The following ZNF831 variants were observed in gnomAD, a reference collection of about 807,000 sequenced individuals.
The protein encoded by ZNF831 is zinc finger protein 831, also known as chromosome 20 open reading frame 174.
Under a neutral mutation model 95.8 loss-of-function variants are expected in ZNF831, and 59 were observed. That is an observed-to-expected ratio of 0.62 (90% CI 0.50 to 0.77). The LOEUF (loss-of-function observed/expected upper bound fraction) is 0.77. Ranked by LOEUF, ZNF831 falls within the 30% of genes least tolerant of loss-of-function variation. The pLI, the probability that ZNF831 is intolerant of heterozygous loss-of-function variation, is 0.00. For synonymous variants in ZNF831, 961 were observed against 925.5 expected, an observed-to-expected ratio of 1.04 and a Z score of -0.70; for missense variants, 2,205 against 2,164.0, an observed-to-expected ratio of 1.02 and a Z score of -0.38.
rs368836872 is a variant in ZNF831 at position 59,208,417 on chromosome 20, C to T, written c.4027+1361C>T. On this transcript the variant is annotated intron_variant, in intron 4 of 5. Transcript: ENST00000371030. This position sits in a 1 kb window ranked among gnomAD's most constrained non-coding sequence, Gnocchi z 4.2. ...GCAACTCTCTGCTTTCTCGTTGGGC[C>T]GTCCTGTGACAGGCACAGGTGCCAT... Among the ~76,000 whole-genome samples, 41 of 152,308 alleles carry T rather than the reference C, an allele frequency of 2.7e-4. No individual in the cohort carries two copies. Among genetic ancestry groups the T allele is most frequent in the African/African-American group, 9.1e-4 (38 of 41,578 alleles).
At position 59,230,045 on chromosome 20, in the gene ZNF831, T is replaced by G. The variant is rs182896955; in HGVS notation, c.4028-22933T>G. Among the ~76,000 whole-genome samples the G allele has an allele frequency of 3.0e-3, 452 of 152,328 alleles. 3 individuals carry two copies. The highest frequency in any genetic ancestry group is 5.3e-3 in the Non-Finnish European group (360 of 68,028). On this transcript the variant is annotated intron_variant, in intron 4 of 5. Coordinates refer to ENST00000371030, the MANE Select transcript of ZNF831 (RefSeq NM_178457.3). Reference sequence around the variant, plus strand: ...CATCTCACAGTGTCTTCCCCCAGCATGTAATACTAGTTTTCCATCTGAGAC... The same window carrying G: ...CATCTCACAGTGTCTTCCCCCAGCAGGTAATACTAGTTTTCCATCTGAGAC...
At chr20:59,152,796 G>A (rs1980321479) in intron 2 of ZNF831, among the ~76,000 whole-genome samples, 1 of 152,152 alleles carries the variant, frequency 6.6e-6, no homozygotes, top group African/African-American at 2.4e-5. Flanking sequence ...CAAAAGGCCA[G>A]TATGTGGCTG....
chr20:59,246,467 A>G (rs1460657793), intron 4 of ZNF831, among the ~76,000 whole-genome samples: 1 of 152,254 alleles, frequency 6.6e-6, no homozygotes, highest in African/African-American at 2.4e-5. Context: ...AATGTTACAC[A>G]AAGTATATCA....
intron 1 of ZNF831, among the ~76,000 whole-genome samples, chr20:59,126,441 G>T (rs1979172920): frequency 6.6e-6 from 1 of 152,168 alleles, no homozygotes; most frequent in African/African-American, 2.4e-5. Context: ...AGACTCTGAG[G>T]CTCTGTTCCT....
Position 59,169,877 on chromosome 20 carries a change from G to A in ZNF831, c.-37+5670G>A, listed in dbSNP as rs1981584459. The stretch of plus-strand genomic sequence containing the variant: ...ATCATGCCACTTCACTCTAGCCTGG[G>A]CAATAGAGCAAGACTCTGTCTCAAA... On this transcript the variant is annotated intron_variant, in intron 1 of 5. Coordinates refer to ENST00000371030, the MANE Select transcript of ZNF831 (RefSeq NM_178457.3). The surrounding 1 kb of genome is among the most constrained non-coding windows in gnomAD (Gnocchi z 4.1). Among the ~76,000 whole-genome samples, 1 of 151,666 alleles carries A rather than the reference G, an allele frequency of 6.6e-6. No homozygotes were observed. Among genetic ancestry groups the A allele is most frequent in the African/African-American group, 2.4e-5 (1 of 41,260 alleles).
At chr20:59,176,893 A>T (rs77506764) in intron 1 of ZNF831, among the ~76,000 whole-genome samples, 18 of 152,258 alleles carry the variant, frequency 1.2e-4, no homozygotes, top group African/African-American at 4.1e-4. Flanking sequence ...AAATCTGTTG[A>T]TAGCCTGCTA....
intron 3 of ZNF831, among the ~76,000 whole-genome samples, chr20:59,203,898 G>A (rs1347422646): frequency 5.3e-5 from 8 of 152,224 alleles, no homozygotes; most frequent in African/African-American, 9.6e-5. Flanking sequence ...ATAGAGATCC[G>A]GAGCACTCAC....
intron 4 of ZNF831, among the ~76,000 whole-genome samples, chr20:59,230,226 T>G (rs1986650203): frequency 6.6e-6 from 1 of 152,238 alleles, no homozygotes. Flanking sequence ...CTAGCCATGC[T>G]GTCCTGTCGC....
chr20:59,137,279 CTTTTT>C (rs11469830), intron 1 of ZNF831, among the ~76,000 whole-genome samples: 2 of 149,232 alleles, frequency 1.3e-5, no homozygotes, highest in African/African-American at 4.9e-5. Context: ...TCCAATACAT[CTTTTT>C]TTTTTTTTTG....
intron 1 of ZNF831, among the ~76,000 whole-genome samples, chr20:59,176,090 G>A (rs1223612360): frequency 6.6e-6 from 1 of 152,182 alleles, no homozygotes; most frequent in Non-Finnish European, 1.5e-5. Context: ...AAGAGGGAGT[G>A]GATTAACACA....
chr20:59,142,906 A>AT (rs1380515341), intron 1 of ZNF831, among the ~76,000 whole-genome samples: 1 of 151,752 alleles, frequency 6.6e-6, no homozygotes, highest in Non-Finnish European at 1.5e-5. Flanking sequence ...TTTTATTTTT[A>AT]TTTTTTTTAG....
Position 59,206,811 on chromosome 20 carries a change from G to A in ZNF831, c.3876-94G>A, listed in dbSNP as rs980142776. 9.4e-5 allele frequency: 133 copies of A among 1,420,814 alleles called. 1 individual carries two copies. Among genetic ancestry groups the A allele is most frequent in the Admixed American group, 4.3e-4 (22 of 50,846 alleles). 88.0% of individuals were successfully genotyped at this position (1,420,814 alleles called of 1,614,324 possible). A position where few individuals can be genotyped will look rare whatever the true frequency, so the allele number is the denominator to read the frequency against. On this transcript the variant is annotated intron_variant, in intron 3 of 5. Transcript: ENST00000371030. Reference sequence around the variant, plus strand: ...ACCAGCTAGTTAGAGGTTGAGCCCCGTGTTCTCCTGGGCACCCCACAGTGA... The same window carrying A: ...ACCAGCTAGTTAGAGGTTGAGCCCCATGTTCTCCTGGGCACCCCACAGTGA...
chr20:59,235,536 A>T (rs915199268), intron 4 of ZNF831, among the ~76,000 whole-genome samples: 1 of 152,188 alleles, frequency 6.6e-6, no homozygotes, highest in Non-Finnish European at 1.5e-5. Flanking sequence ...GACTAAGTTC[A>T]TTATAGTCTT....
chr20:59,245,501 T>C (rs1259924209), intron 4 of ZNF831, among the ~76,000 whole-genome samples: 1 of 152,202 alleles, frequency 6.6e-6, no homozygotes, highest in Non-Finnish European at 1.5e-5. Flanking sequence ...TGGGCACTGC[T>C]GACATTTGGC....
At position 59,204,325 on chromosome 20, in the gene ZNF831, C is replaced by T. The variant is rs112511195; in HGVS notation, c.3876-2580C>T. ...GAGATAGCACTCTCAGTAATGAGAG[C>T]ACAATCTCTGCAGTGAGGTAAAGAC... On this transcript the variant is annotated intron_variant, in intron 3 of 5. Coordinates refer to ENST00000371030, the MANE Select transcript of ZNF831 (RefSeq NM_178457.3). Among the ~76,000 whole-genome samples, 1,220 of 152,340 alleles carry T rather than the reference C, an allele frequency of 8.0e-3. 19 individuals carry two copies. Among genetic ancestry groups the T allele is most frequent in the African/African-American group, 0.027 (1,116 of 41,578 alleles).
chr20:59,226,797 A>T (rs952755064), intron 4 of ZNF831, among the ~76,000 whole-genome samples: 1 of 151,852 alleles, frequency 6.6e-6, no homozygotes, highest in Non-Finnish European at 1.5e-5. Flanking sequence ...TCATCACCAG[A>T]GCCACTTGTT....
intron 1 of ZNF831, among the ~76,000 whole-genome samples, chr20:59,182,725 T>C (rs1484988879): frequency 7.9e-5 from 12 of 152,252 alleles, no homozygotes; most frequent in Non-Finnish European, 1.8e-4. Flanking sequence ...GTAAACTCTC[T>C]TCTGGCCTGC....
intron 2 of ZNF831, among the ~76,000 whole-genome samples, chr20:59,152,161 G>A (rs2146458314): frequency 6.6e-6 from 1 of 152,312 alleles, no homozygotes; most frequent in South Asian, 2.1e-4. Context: ...CAGCTTAGGT[G>A]CTAGAAAGAG....
intron 2 of ZNF831, among the ~76,000 whole-genome samples, chr20:59,149,126 A>T (rs1390521293): frequency 6.6e-6 from 1 of 152,216 alleles, no homozygotes; most frequent in African/African-American, 2.4e-5. Flanking sequence ...AGACAAGGTA[A>T]GGGCTCTCAG....
Sources: gnomAD v4.1 joint callset for allele counts (sites outside exome capture counted in the v4.1 genomes callset) on GRCh38, gnomAD v4.1.1 for gene constraint, Gnocchi (gnomAD v3.1) non-coding constraint, MANE v1.5 for transcripts, NCBI Gene and HGNC (gene_info 2026-07-23, HGNC 2026-07-21) for gene names.